Variants in MXRA7 observed in about 807,000 individuals in gnomAD.
The protein encoded by MXRA7 is matrix-remodeling-associated protein 7.
In MXRA7, 18 loss-of-function variants were observed where a neutral mutation model predicts 17.4. The ratio of observed to expected loss-of-function variants is 1.03; its 90% CI spans 0.71 to 1.53. The LOEUF (loss-of-function observed/expected upper bound fraction) is 1.53. Ranked by LOEUF, MXRA7 falls within the 40% of genes most tolerant of loss-of-function variation. MXRA7 has a pLI of 0.00. For missense variants in MXRA7, 141 were observed against 209.3 expected, an observed-to-expected ratio of 0.67 and a Z score of 2.01; for synonymous variants, 70 against 101.7, an observed-to-expected ratio of 0.69 and a Z score of 1.87.
exon 4 of MXRA7, chr17:76,673,005 TA>T (rs1255276707): frequency 3.9e-5 from 6 of 152,058 alleles, no homozygotes; most frequent in Non-Finnish European, 5.9e-5. Flanking sequence ...TCAAGTTACT[TA>T]TAATTGGTGG....
At chr17:76,683,741 T>C (rs903525082) in intron 3 of MXRA7, 5 of 759,800 alleles carry the variant, frequency 6.6e-6, no homozygotes, top group South Asian at 1.5e-5. Context: ...TAATCGGTTA[T>C]GAAGGCGATG....
chr17:76,694,515 T>A (rs1259240758), intron 1 of MXRA7, among the ~76,000 whole-genome samples: 2 of 152,140 alleles, frequency 1.3e-5, no homozygotes, highest in East Asian at 3.8e-4. Flanking sequence ...GGAAATAACA[T>A]CCTCACTTTT....
Position 76,710,595 on chromosome 17 carries a change from C to G in MXRA7, c.342+10G>C. ...GGTGGGGAGGGGGCCGCGAGGGCCC[C>G]GGTGCGTACCTGCCTCGCCTCCACC... On this transcript the variant is annotated intron_variant, in intron 1 of 3. Transcript: ENST00000449428. 1 of 1,346,856 alleles carries G rather than the reference C, an allele frequency of 7.4e-7. No individual in the cohort carries two copies. The highest frequency in any genetic ancestry group is 9.6e-7 in the Non-Finnish European group (1 of 1,045,308). The allele number at this position is 1,346,856 out of a possible 1,614,324, so 83.4% of individuals were successfully genotyped here. A position where few individuals can be genotyped will look rare whatever the true frequency, so the allele number is the denominator to read the frequency against.
At chr17:76,704,363 G>A (rs1300725101) in intron 1 of MXRA7, among the ~76,000 whole-genome samples, 2 of 150,438 alleles carry the variant, frequency 1.3e-5, no homozygotes, top group African/African-American at 2.4e-5. Context: ...CCGCCACCAC[G>A]CCCGGCTAAT....
chr17:76,710,795 G>T lies in MXRA7; in HGVS notation c.152C>A (p.Thr51Asn). 1.0e-6 allele frequency: 1 copy of T among 959,192 alleles called. No individual in the cohort carries two copies. Among genetic ancestry groups the T allele is most frequent in the Non-Finnish European group, 1.2e-6 (1 of 800,208 alleles). The allele number at this position is 959,192 out of a possible 1,614,324, so 59.4% of individuals were successfully genotyped here. The part of the protein sequence containing the change: ...PPEPAPPAEA[T>N]GAPAPSRPCA... Reference sequence around the variant, plus strand: ...GGGGCGGGACGGCGCCGGGGCCCCGGTGGCCTCGGCCGGGGGCGCGGGTTC... The same window carrying T: ...GGGGCGGGACGGCGCCGGGGCCCCGTTGGCCTCGGCCGGGGGCGCGGGTTC... Residue 51 changes from threonine (T) to asparagine (N), a missense_variant, in exon 1 of 4, where the codon ACC (threonine) becomes AAC (asparagine). Physicochemically the swap from Thr to Asn is moderately conservative, Grantham distance 65. This residue lies in a region of MXRA7 where 72 missense variants were observed against 111.9 expected (regional missense o/e 0.64). Transcript: ENST00000449428.
chr17:76,702,142 G>T (rs2143669320), intron 1 of MXRA7, among the ~76,000 whole-genome samples: 1 of 152,296 alleles, frequency 6.6e-6, no homozygotes, highest in South Asian at 2.1e-4. Context: ...GAGGGTTGAA[G>T]AAAGTGACTT....
chr17:76,688,317 C>T (rs1443870767), intron 1 of MXRA7, 141 bp from the exon 2 acceptor site: 2 of 1,471,826 alleles, frequency 1.4e-6, no homozygotes, highest in Admixed American at 2.5e-5. Context: ...GCCCTGTGGT[C>T]ATGGTCAACC....
chr17:76,710,418 G>C (rs374209219), intron 1 of MXRA7, among the ~76,000 whole-genome samples, 187 bp downstream of exon 1: 1 of 152,122 alleles, frequency 6.6e-6, no homozygotes, highest in East Asian at 1.9e-4. Context: ...CTGGGGGAGG[G>C]CGGCGAGTTT....
Position 76,680,343 on chromosome 17 carries a change from G to C in MXRA7, c.*524C>G. The C allele has an allele frequency of 1.0e-6, 1 of 985,554 alleles. No individual in the cohort carries two copies. Among genetic ancestry groups the C allele is most frequent in the Non-Finnish European group, 1.2e-6 (1 of 830,080 alleles). 61.1% of individuals were successfully genotyped at this position (985,554 alleles called of 1,614,324 possible). ...CATCTCACCCCCGACAACCAAGCCAGCCACAGAGAGAAGTGGGGTTCCCAG... is the reference window on the plus strand; with the variant it reads ...CATCTCACCCCCGACAACCAAGCCACCCACAGAGAGAAGTGGGGTTCCCAG... On this transcript the variant is annotated 3_prime_UTR_variant, in exon 4 of 4. Coordinates refer to ENST00000449428, the MANE Select transcript of MXRA7 (RefSeq NM_198530.4).
At chr17:76,702,386 T>C (rs1223747019) in intron 1 of MXRA7, among the ~76,000 whole-genome samples, 1 of 152,162 alleles carries the variant, frequency 6.6e-6, no homozygotes, top group East Asian at 1.9e-4. Context: ...TGTGCACCTG[T>C]AGTCCCAGCT....
chr17:76,680,937 A>T (rs1207296236), intron 3 of MXRA7, 58 bp from the exon 4 acceptor site: 1 of 1,397,718 alleles, frequency 7.2e-7, no homozygotes, highest in Non-Finnish European at 1.0e-6. Flanking sequence ...ATCCTGCACC[A>T]TGGGCAAGGA....
chr17:76,706,744 A>C (rs76036967), intron 1 of MXRA7, among the ~76,000 whole-genome samples: 4,241 of 152,336 alleles, frequency 0.028, 92 homozygotes, highest in Non-Finnish European at 0.043. Context: ...GAGTGTCTGA[A>C]AAACCAACCC....
At chr17:76,690,957 C>A (rs552179505) in intron 1 of MXRA7, among the ~76,000 whole-genome samples, 1 of 152,200 alleles carries the variant, frequency 6.6e-6, no homozygotes, top group African/African-American at 2.4e-5. Flanking sequence ...TGGTTTTGAT[C>A]CCAGTCCCTG....
At chr17:76,696,277 TGGGAGGCCATGGTGGG>T (rs1027242951) in intron 1 of MXRA7, among the ~76,000 whole-genome samples, 1 of 152,062 alleles carries the variant, frequency 6.6e-6, no homozygotes, top group Non-Finnish European at 1.5e-5. Context: ...GCCAGTACTT[TGGGAGGCCATGGTGGG>T]AGGGCTGCTT....
At chr17:76,678,603 C>T (rs1017575528), downstream of MXRA7, among the ~76,000 whole-genome samples, 6 of 152,190 alleles carry the variant, frequency 3.9e-5, no homozygotes, top group Admixed American at 2.6e-4. Context: ...CCACACACCA[C>T]GGGCTCAGTG....
chr17:76,695,452 CAG>C (rs1013596981), intron 1 of MXRA7, among the ~76,000 whole-genome samples: 3 of 152,012 alleles, frequency 2.0e-5, no homozygotes, highest in Non-Finnish European at 4.4e-5. Context: ...CTGTGCTCAA[CAG>C]AGAGCTGGCA....
chr17:76,702,276 G>A (rs1337222661), intron 1 of MXRA7, among the ~76,000 whole-genome samples: 2 of 152,180 alleles, frequency 1.3e-5, no homozygotes, highest in Non-Finnish European at 2.9e-5. Flanking sequence ...GGAGGCAGAG[G>A]CAGGAGGTTG....
chr17:76,674,977 T>C (rs2076228812), downstream of MXRA7: 1 of 152,210 alleles, frequency 6.6e-6, no homozygotes, highest in Non-Finnish European at 1.5e-5. Context: ...CGAGGAAGAC[T>C]GAGCTAAGAG....
intron 1 of MXRA7, among the ~76,000 whole-genome samples, chr17:76,698,525 C>T (rs896822151): frequency 6.6e-6 from 1 of 152,096 alleles, no homozygotes; most frequent in Non-Finnish European, 1.5e-5. Context: ...GACACGCAGG[C>T]TCCACTCTCT....
Sources: gnomAD v4.1 joint callset for allele counts (sites outside exome capture counted in the v4.1 genomes callset) on GRCh38, gnomAD v4.1.1 for gene constraint, gnomAD v4.1.1 regional missense constraint, MANE v1.5 for transcripts, NCBI Gene and HGNC (gene_info 2026-07-23, HGNC 2026-07-21) for gene names.